ANXA4: variants seen among roughly 807,000 people sequenced by gnomAD.
ANXA4 encodes the protein 35-beta calcimedin.
ANXA4 carries 39 observed loss-of-function variants against 49.8 expected under a neutral mutation model. The observed-to-expected ratio is 0.78, with a 90% CI of 0.61 to 1.02. The LOEUF (loss-of-function observed/expected upper bound fraction) is 1.02. Ranked by LOEUF, ANXA4 falls within the 50% of genes least tolerant of loss-of-function variation. ANXA4 has a pLI of 0.00. For synonymous variants in ANXA4, 134 were observed against 152.5 expected (o/e 0.88, Z 0.89); for missense variants, 360 against 410.1 (o/e 0.88, Z 1.05).
chr2:69,712,490 C>A (rs1379598169), intron 2 of ANXA4, among the ~76,000 whole-genome samples: 1 of 152,126 alleles, frequency 6.6e-6, no homozygotes, highest in Non-Finnish European at 1.5e-5. Flanking sequence ...TAAAGGTTAA[C>A]GGTGGCATTT....
At chr2:69,656,122 T>C (rs1676429393) in intron 2 of ANXA4, among the ~76,000 whole-genome samples, 1 of 151,072 alleles carries the variant, frequency 6.6e-6, no homozygotes, top group African/African-American at 2.4e-5. Context: ...TGTGTATACC[T>C]ATGTAACAAA....
At chr2:69,722,060 T>TA (rs902189921) in intron 3 of ANXA4, among the ~76,000 whole-genome samples, 18 of 151,324 alleles carry the variant, frequency 1.2e-4, no homozygotes, top group Middle Eastern at 3.4e-3. Context: ...GAAGATTAAA[T>TA]AAAAAAAAAT....
intron 1 of ANXA4, among the ~76,000 whole-genome samples, chr2:69,646,260 A>G (rs780714124): frequency 6.6e-6 from 1 of 152,214 alleles, no homozygotes; most frequent in African/African-American, 2.4e-5. Context: ...TCTCAAAACT[A>G]TCACACTTTC....
At chr2:69,720,423 G>A (rs1669785573) in intron 2 of ANXA4, among the ~76,000 whole-genome samples, 1 of 152,156 alleles carries the variant, frequency 6.6e-6, no homozygotes, top group African/African-American at 2.4e-5. Context: ...GAAATTCAGG[G>A]GAGCTGAAGC....
chr2:69,712,540 C>T (rs536658771), intron 2 of ANXA4, among the ~76,000 whole-genome samples: 3 of 152,164 alleles, frequency 2.0e-5, no homozygotes, highest in East Asian at 3.8e-4. Context: ...CAGTAATGAT[C>T]CTAATTGGAT....
intron 3 of ANXA4, among the ~76,000 whole-genome samples, chr2:69,724,171 T>G (rs1669896312): frequency 6.6e-6 from 1 of 152,124 alleles, no homozygotes; most frequent in Non-Finnish European, 1.5e-5. Context: ...CATGCAACAA[T>G]GGCTATCCAA....
rs943850019 is a variant in ANXA4, at chr2:69,679,844, T to G, written n.766+26562T>G. 3.3e-5 allele frequency among the ~76,000 whole-genome samples: 5 copies of G among 152,318 alleles called. No individual in the cohort carries two copies. The East Asian group carries it at 7.7e-4, about 23-fold the overall frequency. ...TAAGTGGATTTACTTCCGGATTCTG[T>G]GTTCTGTGGTCTATGTGTCTGTTTT... On this transcript the variant is annotated intron_variant and non_coding_transcript_variant, in intron 2 of 3. Coordinates refer to the ANXA4 transcript ENST00000418066.
chr2:69,718,697 A>G (rs918664132), intron 2 of ANXA4, among the ~76,000 whole-genome samples: 1 of 152,108 alleles, frequency 6.6e-6, no homozygotes, highest in African/African-American at 2.4e-5. Flanking sequence ...ACATGCATGC[A>G]TGCACATGCG....
chr2:69,808,062 G>A (rs1673526169), intron 6 of ANXA4, 66 bp downstream of exon 6: 2 of 1,487,802 alleles, frequency 1.3e-6, no homozygotes, highest in African/African-American at 1.4e-5. Flanking sequence ...GGTAGCAGCG[G>A]GTTGTTGTTT....
At chr2:69,645,536 A>G (rs1675975630) in intron 1 of ANXA4, among the ~76,000 whole-genome samples, 1 of 152,246 alleles carries the variant, frequency 6.6e-6, no homozygotes, top group South Asian at 2.1e-4. Context: ...AAGCTGTGCT[A>G]GGTCCTAAAA....
intron 4 of ANXA4, among the ~76,000 whole-genome samples, chr2:69,804,882 C>T (rs1241869564): frequency 6.6e-6 from 1 of 151,612 alleles, no homozygotes; most frequent in East Asian, 1.9e-4. Flanking sequence ...CCCATCTCTC[C>T]TTAAAAAATA....
chr2:69,725,460 C>T (rs1669939563), intron 3 of ANXA4, among the ~76,000 whole-genome samples: 2 of 149,244 alleles, frequency 1.3e-5, no homozygotes, highest in Non-Finnish European at 1.5e-5. Context: ...TGAATGCTGC[C>T]CCAAATAAAT....
chr2:69,740,405 AT>A (rs58062222), upstream of ANXA4, among the ~76,000 whole-genome samples: 1,418 of 151,436 alleles, frequency 9.4e-3, 28 homozygotes, highest in African/African-American at 0.032. Flanking sequence ...TCTGTATTTC[AT>A]TTTTTTTCCT....
intron 2 of ANXA4, among the ~76,000 whole-genome samples, chr2:69,670,364 T>G (rs1350711757): frequency 7.0e-5 from 10 of 142,770 alleles, no homozygotes. Flanking sequence ...TGCTTGAACC[T>G]GGGAGGTGGA....
At chr2:69,771,109 GAAAAA>G (rs70954358) in intron 1 of ANXA4, among the ~76,000 whole-genome samples, 1 of 104,750 alleles carries the variant, frequency 9.5e-6, no homozygotes, top group African/African-American at 3.5e-5. Flanking sequence ...AAAAAAAAAA[GAAAAA>G]AAAAAAAAAA....
intron 2 of ANXA4, among the ~76,000 whole-genome samples, chr2:69,684,721 A>C (rs1677723005): frequency 6.6e-6 from 1 of 151,622 alleles, no homozygotes; most frequent in Admixed American, 6.6e-5. Flanking sequence ...AGAAAAAAAA[A>C]CCCCATCAGG....
rs10689485 is a variant in ANXA4, at chr2:69,785,551, T to TTGATGATGATGATGATGATGA, written c.10-2494_10-2474dup. ...TATGGAGGTACAGCTGAAGTTCTCT[T>TTGATGATGATGATGATGATGA]TGATGATGATGATGATGATGATGAT... On this transcript the variant is annotated intron_variant, in intron 2 of 12. Transcript: ENST00000394295. 4.9e-3 allele frequency among the ~76,000 whole-genome samples: 740 copies of TTGATGATGATGATGATGATGA among 150,864 alleles called. 10 individuals carry two copies. Among genetic ancestry groups the TTGATGATGATGATGATGATGA allele is most frequent in the African/African-American group, 0.016 (674 of 40,976 alleles).
At chr2:69,676,560 A>G (rs1559070122) in intron 2 of ANXA4, among the ~76,000 whole-genome samples, 1 of 152,242 alleles carries the variant, frequency 6.6e-6, no homozygotes, top group Non-Finnish European at 1.5e-5. Context: ...ATAAAAGTAC[A>G]TATGTCCTTT....
intron 1 of ANXA4, among the ~76,000 whole-genome samples, chr2:69,774,671 A>C (rs1313608400): frequency 6.6e-6 from 1 of 152,170 alleles, no homozygotes; most frequent in Non-Finnish European, 1.5e-5. Flanking sequence ...AGCGTTTACC[A>C]TGACCTGGGT....
Sources: allele counts gnomAD v4.1 joint callset (sites outside exome capture counted in the v4.1 genomes callset), GRCh38; gene constraint gnomAD v4.1.1; transcripts MANE v1.5; gene names NCBI Gene and HGNC (gene_info 2026-07-23, HGNC 2026-07-21).